Variants in PER2 observed in about 807,000 individuals in gnomAD.
PER2 encodes period circadian protein homolog 2.
In PER2, 66 loss-of-function variants were observed where a neutral mutation model predicts 121.0. That is an observed-to-expected ratio of 0.55 (90% CI 0.45 to 0.67). The LOEUF is 0.67. PER2 is among the 30% of genes least tolerant of loss of function. PER2 has a pLI of 0.00. For missense variants in PER2, 1,521 were observed against 1,635.0 expected (o/e 0.93, Z 1.20); for synonymous variants, 684 against 659.9 (o/e 1.04, Z -0.56).
In PER2 at chr2:238,261,418, G is replaced by A. The variant is rs979860301; in HGVS notation, c.1416+311C>T. On this transcript the variant is annotated intron_variant, in intron 12 of 22. Coordinates refer to ENST00000254657, the MANE Select transcript of PER2 (RefSeq NM_022817.3). ...CTGCTCTGGATTAGAATGAGCCCCC[G>A]CACCACTGAGAGGTCACTCTGGAAC... The A allele has an allele frequency of 6.4e-5, 29 of 450,022 alleles. No individual in the cohort carries two copies. In the East Asian group the frequency reaches 1.1e-3, roughly 16 times the overall value. The allele number at this position is 450,022 out of a possible 1,614,324, so 27.9% of individuals were successfully genotyped here.
At chr2:238,282,951 G>A (rs559645199) in intron 1 of PER2, among the ~76,000 whole-genome samples, 4 of 151,938 alleles carry the variant, frequency 2.6e-5, no homozygotes, top group Admixed American at 1.3e-4. Context: ...TTGCAGCCAC[G>A]TGCTTCAGCA....
intron 17 of PER2, 80 bp downstream of exon 17, chr2:238,256,840 TAG>T: frequency 7.0e-7 from 1 of 1,422,584 alleles, no homozygotes; most frequent in South Asian, 1.2e-5. Context: ...CTTCTGCACT[TAG>T]AAAAATTTAA....
At chr2:238,258,925 G>A (rs1187664945) in intron 14 of PER2, among the ~76,000 whole-genome samples, 2 of 152,112 alleles carry the variant, frequency 1.3e-5, no homozygotes, top group Non-Finnish European at 2.9e-5. Context: ...TCAGCAGTGG[G>A]AGACAGCAGT....
At position 238,258,331 on chromosome 2, in the gene PER2, C is replaced by A; in HGVS notation, c.1845G>T (p.Ala615=). ...CCTTCCGCTTATCACTGGACCTTAG[C>A]GCTGGGACGTTTGCTGGGAACTCGC... is the stretch of plus-strand genomic sequence containing the variant. ...RKCEFPANVP[A]LRSSDKRKAT... is the part of the protein sequence containing the mutation. The change falls in exon 16 of 23, where the codon GCG becomes GCT. Residue 615 remains alanine (A), a synonymous_variant. Transcript: ENST00000254657. 1 of 1,614,204 alleles carries A rather than the reference C, an allele frequency of 6.2e-7. No individual in the cohort carries two copies. Among genetic ancestry groups the A allele is most frequent in the Non-Finnish European group, 8.5e-7 (1 of 1,180,026 alleles).
Position 238,278,104 on chromosome 2 carries a change from T to TC in PER2, c.-19-150_-19-149insG, listed in dbSNP as rs1696514869. The stretch of plus-strand genomic sequence containing the variant: ...TCTCTCTGTCTCTCTCTCTCTCTCT[T>TC]TCTTTCTTTCTACTTTGGAGACAGG... On this transcript the variant is annotated intron_variant, in intron 1 of 22. Coordinates refer to ENST00000254657, the MANE Select transcript of PER2 (RefSeq NM_022817.3). The TC allele has an allele frequency of 1.2e-5, 7 of 583,640 alleles. No homozygotes were observed. In the African/African-American group the frequency reaches 1.4e-4, roughly 12 times the overall value. 36.2% of individuals were successfully genotyped at this position (583,640 alleles called of 1,614,324 possible). A position where few individuals can be genotyped will look rare whatever the true frequency, so the allele number is the denominator to read the frequency against.
At position 238,278,934 on chromosome 2, in the gene PER2, G is replaced by A. The variant is rs114597992; in HGVS notation, c.-19-979C>T. ...ACTCAGCTTGCATTTGGACAGGCTT[G>A]CACTGCTGTGCTGGTCAGAAACTTA... On this transcript the variant is annotated intron_variant, in intron 1 of 22. Transcript: ENST00000254657. 3.4e-3 allele frequency among the ~76,000 whole-genome samples: 523 copies of A among 152,334 alleles called. 6 individuals are homozygous for A. Among genetic ancestry groups the A allele is most frequent in the African/African-American group, 0.012 (496 of 41,570 alleles).
At chr2:238,277,287 A>T (rs1210575438) in intron 2 of PER2, 94 bp from the exon 3 acceptor site, 2 of 856,020 alleles carry the variant, frequency 2.3e-6, no homozygotes, top group African/African-American at 3.3e-5. Flanking sequence ...AGGCTAGATA[A>T]TACCATGGTA....
At chr2:238,297,825 G>A in the PER2 span, among the ~76,000 whole-genome samples, 3 of 152,144 alleles carry the variant, frequency 2.0e-5, no homozygotes, top group South Asian at 2.1e-4. Flanking sequence ...TTTGCCCTCT[G>A]TTGGGCCAAA....
rs760279294 is a variant in PER2 at position 238,253,630 on chromosome 2, T to C, written c.2393A>G (p.Lys798Arg). 9 of 1,609,540 alleles carry C rather than the reference T, an allele frequency of 5.6e-6. No homozygotes were observed. In the South Asian group the frequency reaches 9.9e-5, roughly 18 times the overall value. ...WKKTGKNRKL[K>R]SKRVKPRDSS... ...GTCTCGAGGTTTGACCCGCTTGGAC[T>C]TCAATTTTCTGTTCTTTCCTGTTTT... The change falls in exon 19 of 23, where the codon AAG (lysine) becomes AGG (arginine). Residue 798 changes from lysine (K) to arginine (R), a missense_variant. Transcript: ENST00000254657. This position sits in a 1 kb window ranked among gnomAD's most constrained non-coding sequence, Gnocchi z 5.6.
intron 5 of PER2, 28 bp downstream of exon 5, chr2:238,273,042 G>C (rs373246562): frequency 5.0e-6 from 8 of 1,613,184 alleles, no homozygotes; most frequent in Non-Finnish European, 6.8e-6. Flanking sequence ...TGCCATTTTA[G>C]AAAGAAACTT....
intron 17 of PER2, 151 bp downstream of exon 17, chr2:238,256,771 C>G (rs1365861237): frequency 3.6e-6 from 3 of 843,464 alleles, no homozygotes; most frequent in African/African-American, 3.4e-5. Flanking sequence ...CCGCACTCCA[C>G]CCTGCATTTT....
At chr2:238,272,954 T>C (rs570313945) in intron 5 of PER2, 116 bp downstream of exon 5, 9 of 919,220 alleles carry the variant, frequency 9.8e-6, no homozygotes, top group Admixed American at 1.7e-5. Context: ...TAGGAACTTA[T>C]CTGCTGAAAC....
chr2:238,278,886 A>G (rs767463441), intron 1 of PER2, among the ~76,000 whole-genome samples: 1 of 152,170 alleles, frequency 6.6e-6, no homozygotes, highest in Non-Finnish European at 1.5e-5. Context: ...CTGCTGAGGC[A>G]CTCTGAGTGC....
At position 238,273,062 on chromosome 2, in the gene PER2, A is replaced by G; in HGVS notation, c.570+8T>C. The G allele has an allele frequency of 6.2e-7, 1 of 1,614,074 alleles. No homozygotes were observed. Among genetic ancestry groups the G allele is most frequent in the Non-Finnish European group, 8.5e-7 (1 of 1,179,932 alleles). On this transcript the variant is annotated splice_region_variant and intron_variant, in intron 5 of 22. Coordinates refer to ENST00000254657, the MANE Select transcript of PER2 (RefSeq NM_022817.3). ...TTTTAGAAAGAAACTTTGCGGAAAG[A>G]GGCTTACGGCATTCTTCACAATGTG...
chr2:238,250,262 T>C (rs1237155465), intron 21 of PER2, among the ~76,000 whole-genome samples: 2 of 152,202 alleles, frequency 1.3e-5, no homozygotes, highest in Non-Finnish European at 2.9e-5. Context: ...TTTGTGAAAA[T>C]TGAGCATGGC....
At position 238,252,841 on chromosome 2, in the gene PER2, G is replaced by T; in HGVS notation, c.3111+71C>A. 7.7e-7 allele frequency: 1 copy of T among 1,304,446 alleles called. No homozygotes were observed. Among genetic ancestry groups the T allele is most frequent in the Non-Finnish European group, 1.1e-6 (1 of 904,610 alleles). The allele number at this position is 1,304,446 out of a possible 1,614,324, so 80.8% of individuals were successfully genotyped here. A position where few individuals can be genotyped will look rare whatever the true frequency, so the allele number is the denominator to read the frequency against. On this transcript the variant is annotated intron_variant, in intron 19 of 22. Transcript: ENST00000254657. This position sits in a 1 kb window ranked among gnomAD's most constrained non-coding sequence, Gnocchi z 4.2. ...GTGTAACCCCCATGTCTGAACTGAG[G>T]ATGTGCGGCCGGCCTGCCAGGTGTG... is the stretch of plus-strand genomic sequence containing the variant.
chr2:238,278,903 C>T (rs1559336078), intron 1 of PER2, among the ~76,000 whole-genome samples: 2 of 152,180 alleles, frequency 1.3e-5, no homozygotes, highest in African/African-American at 4.8e-5. Flanking sequence ...GTGCCAGGCC[C>T]ACGGAACTCA....
chr2:238,250,127 C>T (rs1574838472), intron 21 of PER2, among the ~76,000 whole-genome samples: 2 of 152,212 alleles, frequency 1.3e-5, no homozygotes, highest in Admixed American at 6.5e-5. Flanking sequence ...CAGAGCAGCC[C>T]GCTCCCTGGG....
chr2:238,249,305 G>A, intron 21 of PER2, 93 bp from the exon 22 acceptor site: 1 of 1,328,248 alleles, frequency 7.5e-7, no homozygotes, highest in Non-Finnish European at 1.0e-6. Context: ...AGATGATTTT[G>A]TTTAATGCAA....
Sources: gnomAD v4.1 joint callset for allele counts (sites outside exome capture counted in the v4.1 genomes callset) on GRCh38, gnomAD v4.1.1 for gene constraint, Gnocchi (gnomAD v3.1) non-coding constraint, MANE v1.5 for transcripts, NCBI Gene and HGNC (gene_info 2026-07-23, HGNC 2026-07-21) for gene names.